The following CAPRIN2 variants were observed in gnomAD, a reference collection of about 807,000 sequenced individuals.
CAPRIN2 encodes the protein caprin family member 2, also known as caprin-2.
In CAPRIN2, 66 loss-of-function variants were observed where a neutral mutation model predicts 130.4. That is an observed-to-expected ratio of 0.51 (90% CI 0.42 to 0.62). The LOEUF (loss-of-function observed/expected upper bound fraction) is 0.62, where lower values mean the gene tolerates loss of function less well. Ranked by LOEUF, CAPRIN2 falls within the 20% of genes least tolerant of loss-of-function variation. The pLI is 0.00. For missense variants in CAPRIN2, 1,185 were observed against 1,246.6 expected (o/e 0.95, Z 0.74); for synonymous variants, 471 against 444.1 (o/e 1.06, Z -0.76).
chr12:30,710,650 T>C lies in CAPRIN2; in HGVS notation c.2666-180A>G. The C allele has an allele frequency of 5.5e-6, 5 of 902,582 alleles. No individual in the cohort carries two copies. Among genetic ancestry groups the C allele is most frequent in the Non-Finnish European group, 8.1e-6 (5 of 616,116 alleles). 55.9% of individuals were successfully genotyped at this position (902,582 alleles called of 1,614,324 possible). On this transcript the variant is annotated intron_variant, in intron 16 of 16. Coordinates refer to ENST00000298892, the Ensembl canonical transcript of CAPRIN2. This position sits in a 1 kb window ranked among gnomAD's most constrained non-coding sequence, Gnocchi z 4.8. ...TTTCTGGTAATAGGTTTTTACATACTCTTCTAAAGCCAGAAAGGTCCAAGA... is the reference window on the plus strand; with the variant it reads ...TTTCTGGTAATAGGTTTTTACATACCCTTCTAAAGCCAGAAAGGTCCAAGA...
At chr12:30,751,404 T>A in intron 1 of CAPRIN2, 1 of 369,224 alleles carries the variant, frequency 2.7e-6, no homozygotes, top group South Asian at 2.9e-5. Context: ...CTAGACTACT[T>A]AACCCATGGG....
chr12:30,721,150 C>T (rs912385592), intron 11 of CAPRIN2, among the ~76,000 whole-genome samples: 1 of 152,244 alleles, frequency 6.6e-6, no homozygotes, highest in East Asian at 1.9e-4. Flanking sequence ...GACATTTGCC[C>T]AAGATCATAC....
At chr12:30,740,618 AC>A (rs1211181072) in intron 3 of CAPRIN2, among the ~76,000 whole-genome samples, 1 of 152,052 alleles carries the variant, frequency 6.6e-6, no homozygotes, top group Admixed American at 6.6e-5. Flanking sequence ...AAGACTACCA[AC>A]TCTGTTGTCT....
Position 30,750,247 on chromosome 12 carries a change from GA to G in CAPRIN2, c.483+823del, listed in dbSNP as rs138794884. On this transcript the variant is annotated intron_variant, in intron 2 of 16. Coordinates refer to ENST00000298892, the Ensembl canonical transcript of CAPRIN2. ...GTGAAGAGGAGTCACTATGGAATGGGAAAAGTCCTTGAATGTCAGTATCTAT... is the reference window on the plus strand; with the variant it reads ...GTGAAGAGGAGTCACTATGGAATGGGAAAGTCCTTGAATGTCAGTATCTAT... Among the ~76,000 whole-genome samples the G allele has an allele frequency of 4.0e-3, 605 of 152,278 alleles. 4 individuals carry two copies. The highest frequency in any genetic ancestry group is 0.014 in the African/African-American group (576 of 41,558).
At chr12:30,737,446 G>A (rs985149483) in intron 3 of CAPRIN2, among the ~76,000 whole-genome samples, 2 of 152,054 alleles carry the variant, frequency 1.3e-5, no homozygotes, top group Non-Finnish European at 2.9e-5. Flanking sequence ...ATCACAATCA[G>A]GTGTCATGAA....
chr12:30,714,020 ACT>A (rs2056466787), intron 14 of CAPRIN2, 135 bp from the exon 17 acceptor site: 4 of 496,822 alleles, frequency 8.1e-6, no homozygotes, highest in Admixed American at 3.2e-5. Context: ...CTTTAAGCAA[ACT>A]CTACTAATAT....
rs181176439 is a variant in CAPRIN2 at position 30,716,216 on chromosome 12, C to T, written c.2317+292G>A. 1.6e-4 allele frequency: 46 copies of T among 294,808 alleles called. 1 individual carries two copies. The highest frequency in any genetic ancestry group is 9.8e-4 in the African/African-American group (43 of 43,950). The allele number at this position is 294,808 out of a possible 1,614,324, so 18.3% of individuals were successfully genotyped here. A position where few individuals can be genotyped will look rare whatever the true frequency, so the allele number is the denominator to read the frequency against. ...ATATAAGCAGCCAGATAGTGCCCAT[C>T]TACCTCAATCACTGTCTGTGGTAAT... On this transcript the variant is annotated intron_variant, in intron 13 of 16. Transcript: ENST00000298892.
chr12:30,753,932 T>G (rs1324884590), exon 1 of CAPRIN2: 1 of 629,178 alleles, frequency 1.6e-6, no homozygotes, highest in African/African-American at 1.8e-5. Context: ...ACATTCTAAA[T>G]AATTCCCATG....
rs375715809 is a variant in CAPRIN2 at position 30,710,242 on chromosome 12, T to C, written c.2894A>G (p.Gln965Arg). Reference sequence around the variant, plus strand: ...CAGAAGAAGATCAAACACAATAGGTTGGTCTAAAGTTCCAGGGGCCAGATT... The same window carrying C: ...CAGAAGAAGATCAAACACAATAGGTCGGTCTAAAGTTCCAGGGGCCAGATT... Residue 965 changes from glutamine to arginine, a missense_variant, in exon 17 of 17, where the codon CAA becomes CGA. Transcript: ENST00000298892. The surrounding 1 kb of genome is among the most constrained non-coding windows in gnomAD (Gnocchi z 4.8). 3.1e-6 allele frequency: 5 copies of C among 1,614,078 alleles called. No homozygotes were observed. Among genetic ancestry groups the C allele is most frequent in the African/African-American group, 1.3e-5 (1 of 74,932 alleles).
chr12:30,739,730 A>G (rs1193791509), intron 3 of CAPRIN2, among the ~76,000 whole-genome samples: 2 of 151,710 alleles, frequency 1.3e-5, no homozygotes, highest in East Asian at 3.9e-4. Flanking sequence ...AAAAAAAAAA[A>G]GAATAAGTTA....
chr12:30,711,551 G>C lies in CAPRIN2; in HGVS notation c.2665+15C>G. 6.2e-7 allele frequency: 1 copy of C among 1,600,570 alleles called. No individual in the cohort carries two copies. The highest frequency in any genetic ancestry group is 1.1e-5 in the South Asian group (1 of 90,806). ...ATGTGCTGGGTAAGAAAACTATTCA[G>C]CTAATTACCCTTACCTCTCGAATTT... On this transcript the variant is annotated intron_variant, in intron 16 of 16. Transcript: ENST00000298892.
chr12:30,712,932 T>G (rs1591908545), intron 15 of CAPRIN2, among the ~76,000 whole-genome samples: 1 of 152,030 alleles, frequency 6.6e-6, no homozygotes, highest in Admixed American at 6.5e-5. Flanking sequence ...AGAGATGGGG[T>G]TTCACCCTGT....
chr12:30,749,692 G>A (rs1268592221), intron 2 of CAPRIN2, among the ~76,000 whole-genome samples: 4 of 152,246 alleles, frequency 2.6e-5, no homozygotes, highest in African/African-American at 9.6e-5. Context: ...AGGTTTTGGG[G>A]AACAGGGAAA....
chr12:30,738,345 A>C (rs972069097), intron 3 of CAPRIN2, among the ~76,000 whole-genome samples: 1 of 152,098 alleles, frequency 6.6e-6, no homozygotes, highest in African/African-American at 2.4e-5. Flanking sequence ...TATATTCACG[A>C]TATAGAGAAA....
chr12:30,754,141 T>G (rs796929722), exon 1 of CAPRIN2: 2 of 188,752 alleles, frequency 1.1e-5, no homozygotes, highest in African/African-American at 4.6e-5. Flanking sequence ...CTTCCCCGAT[T>G]GCTCTGGGGC....
chr12:30,739,526 A>T (rs929545326), intron 3 of CAPRIN2, among the ~76,000 whole-genome samples: 2 of 152,142 alleles, frequency 1.3e-5, no homozygotes, highest in Non-Finnish European at 2.9e-5. Context: ...TTTATAACAA[A>T]CCTGCACATA....
Position 30,740,217 on chromosome 12 carries a change from T to G in CAPRIN2, c.570+803A>C, listed in dbSNP as rs140063575. On this transcript the variant is annotated intron_variant, in intron 3 of 16. Transcript: ENST00000298892. ...CCAGGATTATAAGCCTCCAGAGAAT[T>G]ATGATCACACCACTGCACTCTAGGC... Among the ~76,000 whole-genome samples, 1,037 of 152,154 alleles carry G rather than the reference T, an allele frequency of 6.8e-3. 7 individuals are homozygous for G. The highest frequency in any genetic ancestry group is 0.024 in the African/African-American group (989 of 41,498).
At chr12:30,749,563 C>T (rs566866072) in intron 2 of CAPRIN2, among the ~76,000 whole-genome samples, 46 of 152,276 alleles carry the variant, frequency 3.0e-4, no homozygotes, top group African/African-American at 1.1e-3. Flanking sequence ...AGTGAGCAGA[C>T]TTGCTGATGA....
Position 30,720,834 on chromosome 12 carries a change from ACT to A in CAPRIN2, c.2123_2124del (p.Glu708ValfsTer8), listed in dbSNP as rs771372968. The A allele has an allele frequency of 1.9e-6, 3 of 1,611,820 alleles. No homozygotes were observed. The highest frequency in any genetic ancestry group is 2.7e-5 in the African/African-American group (2 of 74,962). Reference sequence around the variant, plus strand: ...ACCTCAGGAGTCTCTGAGGTCATAAACTCTGTTTCAGATCCAGAAGAAGCCTG... The same window carrying A: ...ACCTCAGGAGTCTCTGAGGTCATAAACTGTTTCAGATCCAGAAGAAGCCTG... On this transcript the variant is annotated frameshift_variant, in exon 12 of 17. Transcript: ENST00000298892. LOFTEE classifies it high-confidence loss of function.
Sources: gnomAD v4.1 joint callset for allele counts (sites outside exome capture counted in the v4.1 genomes callset) on GRCh38, gnomAD v4.1.1 for gene constraint, Gnocchi (gnomAD v3.1) non-coding constraint, MANE v1.5 for transcripts, NCBI Gene and HGNC (gene_info 2026-07-23, HGNC 2026-07-21) for gene names.